SORCS1: variants seen among roughly 807,000 people sequenced by gnomAD.
SORCS1 encodes the protein sortilin related VPS10 domain containing receptor 1, also known as VPS10 domain-containing receptor SorCS1.
In SORCS1, 60 loss-of-function variants were observed where a neutral mutation model predicts 146.1. The observed-to-expected ratio is 0.41, with a 90% confidence interval of 0.33 to 0.51. The LOEUF (loss-of-function observed/expected upper bound fraction) is 0.51, where lower values mean the gene tolerates loss of function less well. SORCS1 is among the 20% of genes least tolerant of loss of function. The pLI is 0.21. For synonymous variants in SORCS1, 637 were observed against 584.0 expected (o/e 1.09, Z -1.31); for missense variants, 1,352 against 1,487.6 (o/e 0.91, Z 1.50).
At chr10:106,635,662 A>G (rs1179353800) in intron 18 of SORCS1, among the ~76,000 whole-genome samples, 10 of 152,156 alleles carry the variant, frequency 6.6e-5, no homozygotes, top group Non-Finnish European at 2.9e-5. Flanking sequence ...ATACAACACT[A>G]TACCTCTACT....
intron 5 of SORCS1, among the ~76,000 whole-genome samples, chr10:106,747,265 A>C (rs1314549224): frequency 1.3e-5 from 2 of 152,218 alleles, no homozygotes; most frequent in Non-Finnish European, 2.9e-5. Flanking sequence ...AACAATAAAA[A>C]ATAGTGGGAC....
chr10:107,178,262 G>C, the SORCS1 span, among the ~76,000 whole-genome samples: 3 of 152,016 alleles, frequency 2.0e-5, no homozygotes, highest in Non-Finnish European at 4.4e-5. Flanking sequence ...CTGTATATTT[G>C]TACCCATTAA....
At chr10:106,884,158 A>T (rs1030127416) in intron 2 of SORCS1, among the ~76,000 whole-genome samples, 3 of 151,900 alleles carry the variant, frequency 2.0e-5, no homozygotes, top group African/African-American at 7.3e-5. Flanking sequence ...AACTATATTC[A>T]TGGCACTCCC....
intron 3 of SORCS1, among the ~76,000 whole-genome samples, chr10:106,789,277 C>T (rs1946204946): frequency 6.6e-6 from 1 of 152,190 alleles, no homozygotes; most frequent in African/African-American, 2.4e-5. Context: ...GAGACATTTT[C>T]CCCCTTGTCT....
chr10:106,607,459 TG>T (rs1846684169), intron 22 of SORCS1, among the ~76,000 whole-genome samples, 162 bp from the exon 23 acceptor site: 1 of 152,202 alleles, frequency 6.6e-6, no homozygotes, highest in Non-Finnish European at 1.5e-5. Flanking sequence ...GAGACAGCAC[TG>T]GGCTATTAGG....
chr10:107,092,062 A>G (rs1356562955), intron 1 of SORCS1, among the ~76,000 whole-genome samples: 1 of 152,238 alleles, frequency 6.6e-6, no homozygotes, highest in Non-Finnish European at 1.5e-5. Context: ...GAATATTGAA[A>G]GTTGATTTAG....
At chr10:106,723,395 GCACA>G (rs34071599) in intron 6 of SORCS1, among the ~76,000 whole-genome samples, 227 of 149,284 alleles carry the variant, frequency 1.5e-3, no homozygotes, top group African/African-American at 5.1e-3. Context: ...CTCCTACGAT[GCACA>G]CACACACACA....
chr10:107,017,340 C>G (rs78668610), intron 1 of SORCS1, among the ~76,000 whole-genome samples: 2 of 152,118 alleles, frequency 1.3e-5, no homozygotes, highest in Non-Finnish European at 2.9e-5. Context: ...TACCGCTACA[C>G]GAAATAACCA....
At chr10:106,850,284 C>T (rs1021006815) in intron 2 of SORCS1, among the ~76,000 whole-genome samples, 3 of 152,162 alleles carry the variant, frequency 2.0e-5, no homozygotes, top group African/African-American at 7.2e-5. Flanking sequence ...GATATAGTCT[C>T]GTGGTGCGCC....
chr10:106,868,983 A>T (rs1355129918), intron 2 of SORCS1, among the ~76,000 whole-genome samples: 1 of 152,152 alleles, frequency 6.6e-6, no homozygotes, highest in Non-Finnish European at 1.5e-5. Flanking sequence ...ATCCAAATAT[A>T]CAAAATGAGA....
rs113091883 is a variant in SORCS1, at chr10:106,762,085, T to C, written c.886-424A>G. ...TGTAACCTGAACCTGGCTCACATAA[T>C]GAGAAATGCACGAGGCAGCCAGTGA... is the stretch of plus-strand genomic sequence containing the variant. On this transcript the variant is annotated intron_variant, in intron 4 of 25. Transcript: ENST00000263054. 9.3e-3 allele frequency among the ~76,000 whole-genome samples: 1,417 copies of C among 152,200 alleles called. 23 individuals are homozygous for C. The highest frequency in any genetic ancestry group is 0.032 in the African/African-American group (1,347 of 41,528).
chr10:107,021,926 G>A (rs1958164853), intron 1 of SORCS1, among the ~76,000 whole-genome samples: 1 of 152,168 alleles, frequency 6.6e-6, no homozygotes, highest in South Asian at 2.1e-4. Flanking sequence ...AAGATGTAGT[G>A]ATTTAAAAAC....
At chr10:106,770,810 C>T (rs1468513926) in intron 4 of SORCS1, among the ~76,000 whole-genome samples, 1 of 152,228 alleles carries the variant, frequency 6.6e-6, no homozygotes, top group African/African-American at 2.4e-5. Flanking sequence ...TAAATGAACA[C>T]CTGCTCTCCA....
intron 1 of SORCS1, among the ~76,000 whole-genome samples, chr10:107,039,345 A>AG (rs2133980794): frequency 6.6e-6 from 1 of 151,778 alleles, no homozygotes; most frequent in Non-Finnish European, 1.5e-5. Flanking sequence ...AAAAAAAAAA[A>AG]AAAAAGGATG....
chr10:106,964,196 G>C (rs1955391291), intron 1 of SORCS1, among the ~76,000 whole-genome samples: 1 of 152,240 alleles, frequency 6.6e-6, no homozygotes, highest in Non-Finnish European at 1.5e-5. Flanking sequence ...AGAATACAGA[G>C]ATAGGCTTTG....
At chr10:106,667,525 C>G (rs1851254920) in intron 17 of SORCS1, among the ~76,000 whole-genome samples, 164 bp downstream of exon 17, 1 of 152,206 alleles carries the variant, frequency 6.6e-6, no homozygotes, top group Admixed American at 6.5e-5. Flanking sequence ...GAAACTTGCA[C>G]TATTAGTGCA....
chr10:106,675,142 T>G lies in SORCS1; in HGVS notation c.1847A>C (p.Glu616Ala). The part of the protein sequence containing the change: ...PIRHLWLSFD[E>A]GRSWSKYSFT... Reference sequence around the variant, plus strand: ...ACTGTATTTGCTCCAAGATCTCCCTTCATCAAAACTCAACCTAATGATATA... The same window carrying G: ...ACTGTATTTGCTCCAAGATCTCCCTGCATCAAAACTCAACCTAATGATATA... The change falls in exon 14 of 26, where the codon GAA (glutamate) becomes GCA (alanine). Residue 616 changes from glutamate to alanine, a missense_variant. Glu to Ala is a moderately radical substitution (Grantham distance 107). Around this residue, in one of 3 missense-constraint regions of SORCS1, gnomAD observed 648 missense variants for 793.8 expected, o/e 0.82. Transcript: ENST00000263054. 6.2e-7 allele frequency: 1 copy of G among 1,612,574 alleles called. No homozygotes were observed. The highest frequency in any genetic ancestry group is 1.1e-5 in the South Asian group (1 of 90,938).
rs1271187455 is a variant in SORCS1 at position 106,816,001 on chromosome 10, T to C, written c.726+13573A>G. 4.6e-5 allele frequency among the ~76,000 whole-genome samples: 7 copies of C among 152,178 alleles called. No individual in the cohort carries two copies. The South Asian group carries it at 1.2e-3, about 27-fold the overall frequency. On this transcript the variant is annotated intron_variant, in intron 3 of 25. Coordinates refer to ENST00000263054, the MANE Select transcript of SORCS1 (RefSeq NM_052918.5). ...CTTTTTAGCAAATCGGGACTTCTTGTCTCAATCTGAGTAAACTCAGAATTC... is the reference window on the plus strand; with the variant it reads ...CTTTTTAGCAAATCGGGACTTCTTGCCTCAATCTGAGTAAACTCAGAATTC...
At chr10:107,047,297 G>A (rs995295921) in intron 1 of SORCS1, among the ~76,000 whole-genome samples, 6 of 152,168 alleles carry the variant, frequency 3.9e-5, no homozygotes, top group African/African-American at 1.4e-4. Context: ...CCAGCATTCT[G>A]TTTTATTTTA....
Sources: gnomAD v4.1 joint callset for allele counts (sites outside exome capture counted in the v4.1 genomes callset) on GRCh38, gnomAD v4.1.1 for gene constraint, gnomAD v4.1.1 regional missense constraint, MANE v1.5 for transcripts, NCBI Gene and HGNC (gene_info 2026-07-23, HGNC 2026-07-21) for gene names.